Variants in SORCS3 observed in about 807,000 individuals in gnomAD.
The protein encoded by SORCS3 is sortilin related VPS10 domain containing receptor 3.
Under a neutral mutation model 146.3 loss-of-function variants are expected in SORCS3, and 57 were observed. The observed-to-expected ratio is 0.39, with a 90% CI of 0.31 to 0.49. The LOEUF (loss-of-function observed/expected upper bound fraction) is 0.49, where lower values mean the gene tolerates loss of function less well. Ranked by LOEUF, SORCS3 falls within the 20% of genes least tolerant of loss-of-function variation. SORCS3 has a pLI of 0.92. For missense variants in SORCS3, 1,341 were observed against 1,575.5 expected, an observed-to-expected ratio of 0.85 and a Z score of 2.52; for synonymous variants, 653 against 618.5, an observed-to-expected ratio of 1.06 and a Z score of -0.83.
chr10:105,160,464 CAA>C (rs1285815043), intron 11 of SORCS3, among the ~76,000 whole-genome samples: 1 of 151,802 alleles, frequency 6.6e-6, no homozygotes, highest in Non-Finnish European at 1.5e-5. Context: ...CCGTCTCTAC[CAA>C]AAATACAAAA....
At chr10:104,866,048 A>G (rs2133564311) in intron 2 of SORCS3, among the ~76,000 whole-genome samples, 1 of 152,336 alleles carries the variant, frequency 6.6e-6, no homozygotes, top group South Asian at 2.1e-4. Context: ...ATGCACATAG[A>G]ACAGAGCTGA....
intron 1 of SORCS3, among the ~76,000 whole-genome samples, chr10:104,642,356 C>G (rs1313382941): frequency 1.3e-5 from 2 of 151,952 alleles, no homozygotes; most frequent in African/African-American, 4.8e-5. Context: ...CCGATTCCTG[C>G]GGCTGCCGGG....
chr10:105,160,763 TCTC>T (rs1334172679), intron 11 of SORCS3, among the ~76,000 whole-genome samples: 1 of 152,212 alleles, frequency 6.6e-6, no homozygotes, highest in Non-Finnish European at 1.5e-5. Flanking sequence ...AATGTGCTCA[TCTC>T]CTTCAATAAA....
At chr10:105,073,864 G>C (rs1265000876) in intron 5 of SORCS3, among the ~76,000 whole-genome samples, 1 of 152,134 alleles carries the variant, frequency 6.6e-6, no homozygotes, top group African/African-American at 2.4e-5. Flanking sequence ...CTTTCCCTCA[G>C]TGTTTTGTGA....
Position 104,925,936 on chromosome 10 carries a change from G to GA in SORCS3, c.795+10009dup, listed in dbSNP as rs2019140261. ...GGCAAAAAATAAAGAACATATCTAG[G>GA]AAAAATGAGAGTTGTAATTTTGTTT... is the stretch of plus-strand genomic sequence containing the variant. On this transcript the variant is annotated intron_variant, in intron 3 of 26. Transcript: ENST00000369701. Among the ~76,000 whole-genome samples, 3 of 152,168 alleles carry GA rather than the reference G, an allele frequency of 2.0e-5. No individual in the cohort carries two copies. In the South Asian group the frequency reaches 6.2e-4, roughly 31 times the overall value.
rs753357253 is a variant in SORCS3 at position 105,167,296 on chromosome 10, G to C, written c.1848G>C (p.Trp616Cys). ...DEEYNVWFLD[W>C]GGALVAMKHT... ...AGTACAATGTCTGGTTCCTAGACTG[G>C]GGTGGTGCCCTCGTGGCCATGAAAC... is the stretch of plus-strand genomic sequence containing the variant. The change falls in exon 13 of 27, where the codon TGG becomes TGC. Residue 616 changes from tryptophan (W) to cysteine (C), a missense_variant. Physicochemically the swap from Trp to Cys is radical, Grantham distance 215. Coordinates refer to ENST00000369701, the MANE Select transcript of SORCS3 (RefSeq NM_014978.3). 3.1e-6 allele frequency: 5 copies of C among 1,613,418 alleles called. No homozygotes were observed. Among genetic ancestry groups the C allele is most frequent in the Non-Finnish European group, 4.2e-6 (5 of 1,179,538 alleles).
intron 9 of SORCS3, among the ~76,000 whole-genome samples, chr10:105,156,883 G>T (rs2056213656): frequency 6.6e-6 from 1 of 151,718 alleles, no homozygotes; most frequent in Non-Finnish European, 1.5e-5. Context: ...AAAGTACAGA[G>T]ACGAGCAAAC....
At chr10:104,816,975 A>G (rs1469082265) in intron 1 of SORCS3, among the ~76,000 whole-genome samples, 3 of 152,220 alleles carry the variant, frequency 2.0e-5, no homozygotes, top group Admixed American at 1.3e-4. Context: ...CCAAGAATTC[A>G]CCATGCCCAG....
chr10:104,852,334 A>G (rs2018282059), intron 2 of SORCS3, among the ~76,000 whole-genome samples: 2 of 152,198 alleles, frequency 1.3e-5, no homozygotes. Context: ...GTTGGTAAGC[A>G]TGCTTTCCTG....
intron 16 of SORCS3, among the ~76,000 whole-genome samples, chr10:105,209,047 G>T (rs112932378): frequency 4.3e-4 from 65 of 152,272 alleles, no homozygotes; most frequent in African/African-American, 1.5e-3. Flanking sequence ...TGGGCACTTG[G>T]GGCTACTCTC....
intron 25 of SORCS3, among the ~76,000 whole-genome samples, chr10:105,259,810 T>C (rs1282855558): frequency 1.3e-5 from 2 of 152,198 alleles, no homozygotes; most frequent in African/African-American, 4.8e-5. Context: ...ACACTCATAA[T>C]AGATGGATAA....
intron 21 of SORCS3, 34 bp downstream of exon 21, chr10:105,245,699 C>G: frequency 6.2e-7 from 1 of 1,608,490 alleles, no homozygotes; most frequent in Non-Finnish European, 8.5e-7. Context: ...GATGCTCCTT[C>G]CCGCTCAGTT....
At chr10:104,918,914 G>A (rs1487687984) in intron 3 of SORCS3, among the ~76,000 whole-genome samples, 3 of 152,112 alleles carry the variant, frequency 2.0e-5, no homozygotes, top group Non-Finnish European at 2.9e-5. Context: ...TATCTGTTTT[G>A]GAATTCATCT....
At chr10:104,658,280 G>GT (rs897652675) in intron 1 of SORCS3, among the ~76,000 whole-genome samples, 4 of 152,158 alleles carry the variant, frequency 2.6e-5, no homozygotes, top group African/African-American at 4.8e-5. Flanking sequence ...TCATCCATGT[G>GT]TTTTTTTCAG....
chr10:105,099,025 C>T (rs1160484657), intron 6 of SORCS3, among the ~76,000 whole-genome samples: 2 of 152,134 alleles, frequency 1.3e-5, no homozygotes, highest in Non-Finnish European at 2.9e-5. Flanking sequence ...TGGAAACTTC[C>T]TTTTATTGTT....
chr10:104,961,406 A>T (rs2054794490), intron 3 of SORCS3, among the ~76,000 whole-genome samples: 1 of 152,214 alleles, frequency 6.6e-6, no homozygotes, highest in African/African-American at 2.4e-5. Context: ...AATGTGGAGA[A>T]AAGAAACAAA....
intron 22 of SORCS3, among the ~76,000 whole-genome samples, chr10:105,249,201 TAGGA>T (rs1161627423): frequency 6.6e-6 from 1 of 152,180 alleles, no homozygotes; most frequent in Non-Finnish European, 1.5e-5. Context: ...GGGGACTATG[TAGGA>T]GAAACACGCT....
chr10:104,993,958 G>T (rs575924177), intron 4 of SORCS3, among the ~76,000 whole-genome samples: 4 of 140,694 alleles, frequency 2.8e-5, no homozygotes, highest in African/African-American at 1.3e-4. Context: ...AAATCTCAAA[G>T]AAATTTTCTC....
At chr10:104,973,438 T>G (rs372696626) in intron 3 of SORCS3, among the ~76,000 whole-genome samples, 1 of 152,062 alleles carries the variant, frequency 6.6e-6, no homozygotes, top group African/African-American at 2.4e-5. Flanking sequence ...GTGTATGTGT[T>G]GAGGAATTTA....
Sources: gnomAD v4.1 joint callset for allele counts (sites outside exome capture counted in the v4.1 genomes callset) on GRCh38, gnomAD v4.1.1 for gene constraint, MANE v1.5 for transcripts, NCBI Gene and HGNC (gene_info 2026-07-23, HGNC 2026-07-21) for gene names.